ATP6V1C2: variants seen among roughly 807,000 people sequenced by gnomAD.
ATP6V1C2 encodes the protein ATPase H+ transporting V1 subunit C2, also known as V-type proton ATPase subunit C 2.
Under a neutral mutation model 56.8 loss-of-function variants are expected in ATP6V1C2, and 45 were observed. That is an observed-to-expected ratio of 0.79 (90% CI 0.62 to 1.02). The LOEUF (loss-of-function observed/expected upper bound fraction) is 1.02, where lower values mean the gene tolerates loss of function less well. Among genes scored for constraint, ATP6V1C2 ranks in the 50% least tolerant of loss-of-function variants. The probability of loss-of-function intolerance (pLI) is 0.00; values close to 1 mark genes in which losing one functional copy is unlikely to be tolerated. For missense variants in ATP6V1C2, 463 were observed against 519.7 expected (o/e 0.89, Z 1.06); for synonymous variants, 220 against 201.3 (o/e 1.09, Z -0.79).
intron 11 of ATP6V1C2, 23 bp from the exon 12 acceptor site, chr2:10,778,549 A>C: frequency 1.2e-6 from 2 of 1,611,512 alleles, no homozygotes; most frequent in Non-Finnish European, 8.5e-7. Context: ...AGCAGGGGTC[A>C]CCTGGCTCTT....
At chr2:10,778,330 G>A (rs1027759364) in intron 11 of ATP6V1C2, among the ~76,000 whole-genome samples, 1 of 152,204 alleles carries the variant, frequency 6.6e-6, no homozygotes. Flanking sequence ...TCCCCGCGCT[G>A]CGGTCTGTGG....
At chr2:10,726,671 G>A in intron 3 of ATP6V1C2, 102 bp downstream of exon 3, 1 of 1,105,376 alleles carries the variant, frequency 9.0e-7, no homozygotes, top group Non-Finnish European at 1.4e-6. Context: ...GACTTGTCTA[G>A]ACCTGGTTCC....
intron 11 of ATP6V1C2, among the ~76,000 whole-genome samples, chr2:10,778,202 G>A (rs1665122153): frequency 6.6e-6 from 1 of 152,224 alleles, no homozygotes; most frequent in Non-Finnish European, 1.5e-5. Flanking sequence ...CGGCTGCTGT[G>A]GATGATGCCA....
intron 5 of ATP6V1C2, 107 bp from the exon 6 acceptor site, chr2:10,768,612 C>A (rs1426691204): frequency 2.2e-6 from 2 of 891,284 alleles, no homozygotes; most frequent in East Asian, 2.4e-5. Flanking sequence ...ATGGGCAGGG[C>A]AGTTATTTTT....
At chr2:10,739,883 T>C (rs914404982) in intron 3 of ATP6V1C2, among the ~76,000 whole-genome samples, 3 of 152,008 alleles carry the variant, frequency 2.0e-5, no homozygotes, top group Non-Finnish European at 2.9e-5. Context: ...GCGGATCACT[T>C]GAGGTTAGGA....
intron 8 of ATP6V1C2, among the ~76,000 whole-genome samples, chr2:10,774,539 A>G (rs1402072807): frequency 1.3e-5 from 2 of 152,196 alleles, no homozygotes; most frequent in East Asian, 3.9e-4. Context: ...AGCGGGAGCT[A>G]AAGCCCAGGC....
At chr2:10,737,262 A>G (rs1322935123) in intron 3 of ATP6V1C2, among the ~76,000 whole-genome samples, 3 of 64 alleles carry the variant, frequency 0.047, no homozygotes, top group African/African-American at 0.17. Flanking sequence ...TAAAAATACA[A>G]AAAAAAAAAA....
chr2:10,743,034 C>T (rs576374282), intron 3 of ATP6V1C2, among the ~76,000 whole-genome samples: 228 of 152,324 alleles, frequency 1.5e-3, no homozygotes, highest in African/African-American at 2.9e-3. Context: ...AGATGACTAT[C>T]GAGGTAAGGG....
intron 3 of ATP6V1C2, among the ~76,000 whole-genome samples, chr2:10,748,476 CATCTT>C (rs1663037724): frequency 6.6e-6 from 1 of 152,016 alleles, no homozygotes; most frequent in African/African-American, 2.4e-5. Context: ...GAAATGTACT[CATCTT>C]AAGTGAACAG....
At position 10,782,704 on chromosome 2, in the gene ATP6V1C2, G is replaced by A. The variant is rs537712930; in HGVS notation, c.1194+329G>A. Among the ~76,000 whole-genome samples, 13 of 152,068 alleles carry A rather than the reference G, an allele frequency of 8.5e-5. No individual in the cohort carries two copies. In the South Asian group the frequency reaches 2.7e-3, roughly 32 times the overall value. On this transcript the variant is annotated intron_variant, in intron 13 of 13. Coordinates refer to ENST00000272238, the MANE Select transcript of ATP6V1C2 (RefSeq NM_001039362.2). ...AAATTAGCTGGGTATGGTGGTGTGT[G>A]CCTGTAGTCTCAGCTACTTGGGAGG... is the stretch of plus-strand genomic sequence containing the variant.
At chr2:10,772,066 C>T in intron 7 of ATP6V1C2, 129 bp downstream of exon 7, 1 of 779,442 alleles carries the variant, frequency 1.3e-6, no homozygotes. Context: ...AGCAGTCATT[C>T]CTTCATGGGG....
At chr2:10,754,206 G>C in intron 4 of ATP6V1C2, 140 bp downstream of exon 4, 1 of 600,852 alleles carries the variant, frequency 1.7e-6, no homozygotes, top group Non-Finnish European at 2.9e-6. Flanking sequence ...TTGGGCAGAG[G>C]CTCTGCACTT....
intron 3 of ATP6V1C2, among the ~76,000 whole-genome samples, chr2:10,732,065 A>G (rs1661978659): frequency 6.6e-6 from 1 of 151,996 alleles, no homozygotes; most frequent in Non-Finnish European, 1.5e-5. Context: ...TTTGCTACCA[A>G]TTTTCTGTCC....
intron 10 of ATP6V1C2, among the ~76,000 whole-genome samples, chr2:10,776,107 A>G (rs56143168): frequency 0.16 from 21,959 of 135,108 alleles, 1,921 homozygotes; most frequent in Non-Finnish European, 0.22. Context: ...CCACCCCGTC[A>G]CAAGCGAGCC....
intron 3 of ATP6V1C2, among the ~76,000 whole-genome samples, chr2:10,730,470 C>G (rs1404571238): frequency 1.3e-5 from 2 of 151,974 alleles, no homozygotes; most frequent in African/African-American, 4.8e-5. Flanking sequence ...ATTGGGTTCT[C>G]TGTGTTCTGT....
In ATP6V1C2 at chr2:10,766,243, C is replaced by T. The variant is rs959395394; in HGVS notation, c.378+1818C>T. ...AGGGGCAGAGGCTCCGGGGTGTTGT[C>T]TCCCTCAGTCCTTCCTACACCGGCA... On this transcript the variant is annotated intron_variant, in intron 5 of 13. Transcript: ENST00000272238. 2.4e-4 allele frequency among the ~76,000 whole-genome samples: 36 copies of T among 152,308 alleles called. 1 individual carries two copies. Among genetic ancestry groups the T allele is most frequent in the Middle Eastern group, 3.4e-3 (1 of 294 alleles).
At chr2:10,745,926 C>G (rs188194340) in intron 3 of ATP6V1C2, among the ~76,000 whole-genome samples, 5 of 152,336 alleles carry the variant, frequency 3.3e-5, no homozygotes, top group African/African-American at 1.2e-4. Context: ...CAATGTCTTA[C>G]AGCATGTCAG....
At chr2:10,753,389 C>T (rs187710320) in intron 3 of ATP6V1C2, among the ~76,000 whole-genome samples, 146 of 152,266 alleles carry the variant, frequency 9.6e-4, no homozygotes, top group Non-Finnish European at 1.9e-3. Context: ...TCCTTATTGT[C>T]GGACCTTCCA....
chr2:10,758,233 A>G (rs1043396350), intron 4 of ATP6V1C2, among the ~76,000 whole-genome samples: 2 of 152,226 alleles, frequency 1.3e-5, no homozygotes, highest in African/African-American at 4.8e-5. Context: ...ACTTTAGCTT[A>G]TATTAAAATA....
Sources: allele counts gnomAD v4.1 joint callset (sites outside exome capture counted in the v4.1 genomes callset), GRCh38; gene constraint gnomAD v4.1.1; transcripts MANE v1.5; gene names NCBI Gene and HGNC (gene_info 2026-07-23, HGNC 2026-07-21).